Variants in LMBRD1 observed in about 807,000 individuals in gnomAD.
The protein encoded by LMBRD1 is lysosomal cobalamin transport escort protein LMBD1.
A neutral mutation model predicts 74.8 loss-of-function variants in LMBRD1; 64 were observed. The ratio of observed to expected loss-of-function variants is 0.86; its 90% CI spans 0.70 to 1.05. The LOEUF is 1.05. Among genes scored for constraint, LMBRD1 ranks in the 50% least tolerant of loss-of-function variants. LMBRD1 has a pLI of 0.00. For missense variants in LMBRD1, 652 were observed against 645.9 expected, an observed-to-expected ratio of 1.01 and a Z score of -0.10; for synonymous variants, 204 against 216.3, an observed-to-expected ratio of 0.94 and a Z score of 0.50.
At chr6:69,783,359 A>C (rs944132697) in intron 2 of LMBRD1, among the ~76,000 whole-genome samples, 1 of 152,140 alleles carries the variant, frequency 6.6e-6, no homozygotes, top group African/African-American at 2.4e-5. Context: ...ACAGAAATTT[A>C]AAAGTATTTT....
At chr6:69,686,197 T>C (rs997951913) in intron 14 of LMBRD1, among the ~76,000 whole-genome samples, 2 of 152,214 alleles carry the variant, frequency 1.3e-5, no homozygotes, top group African/African-American at 4.8e-5. Context: ...ATAAATACAT[T>C]ACCAAAATAA....
At chr6:69,716,385 T>G (rs1325661273) in intron 8 of LMBRD1, among the ~76,000 whole-genome samples, 5 of 152,196 alleles carry the variant, frequency 3.3e-5, no homozygotes, top group Admixed American at 2.6e-4. Context: ...TTGAGCTTTT[T>G]TCATATGATT....
intron 7 of LMBRD1, among the ~76,000 whole-genome samples, chr6:69,720,990 C>T (rs1466151353): frequency 6.6e-6 from 1 of 152,272 alleles, no homozygotes. Context: ...GTCCTATCAC[C>T]GTTGACAATA....
chr6:69,738,611 C>T (rs1039784421), intron 6 of LMBRD1, among the ~76,000 whole-genome samples: 1 of 151,784 alleles, frequency 6.6e-6, no homozygotes. Flanking sequence ...CACACACACA[C>T]ACACACACAC....
At chr6:69,737,653 G>C (rs9364055) in intron 7 of LMBRD1, among the ~76,000 whole-genome samples, 1 of 149,522 alleles carries the variant, frequency 6.7e-6, no homozygotes, top group Non-Finnish European at 1.5e-5. Context: ...AGCATATCAG[G>C]TATTATAAAT....
At chr6:69,795,563 T>C (rs1766204690) in intron 1 of LMBRD1, among the ~76,000 whole-genome samples, 1 of 152,238 alleles carries the variant, frequency 6.6e-6, no homozygotes, top group Non-Finnish European at 1.5e-5. Flanking sequence ...ATTACATGCT[T>C]ATTTATTTTT....
intron 1 of LMBRD1, among the ~76,000 whole-genome samples, chr6:69,794,469 G>T (rs1486537866): frequency 1.3e-5 from 2 of 152,206 alleles, no homozygotes; most frequent in East Asian, 3.8e-4. Context: ...AGAGTTAAAA[G>T]CTAAACCAAC....
chr6:69,785,418 A>T (rs970683867), intron 2 of LMBRD1, among the ~76,000 whole-genome samples: 2 of 152,020 alleles, frequency 1.3e-5, no homozygotes, highest in Admixed American at 6.5e-5. Flanking sequence ...TCCCTACTTA[A>T]CACCTCCACC....
chr6:69,695,134 A>G (rs989852329), intron 14 of LMBRD1, among the ~76,000 whole-genome samples: 3 of 152,056 alleles, frequency 2.0e-5, no homozygotes, highest in African/African-American at 7.2e-5. Flanking sequence ...TATTAATACC[A>G]TATTGCGCAG....
At chr6:69,681,199 A>G (rs1236560071) in intron 14 of LMBRD1, among the ~76,000 whole-genome samples, 1 of 152,062 alleles carries the variant, frequency 6.6e-6, no homozygotes, top group Non-Finnish European at 1.5e-5. Context: ...GTGGCCATAC[A>G]AAAAAGAATT....
At chr6:69,705,513 G>T (rs575082788) in intron 9 of LMBRD1, 18 of 1,253,754 alleles carry the variant, frequency 1.4e-5, no homozygotes, top group Non-Finnish European at 2.1e-5. Context: ...GTTTGATCTT[G>T]GTATTGATGA....
At position 69,780,429 on chromosome 6, in the gene LMBRD1, C is replaced by T. The variant is rs544253462; in HGVS notation, c.307+65G>A. The T allele has an allele frequency of 5.5e-4, 652 of 1,177,268 alleles. 4 individuals carry two copies. The Middle Eastern group carries it at 7.8e-3, about 14-fold the overall frequency. 72.9% of individuals were successfully genotyped at this position (1,177,268 alleles called of 1,614,324 possible). On this transcript the variant is annotated intron_variant, in intron 3 of 15. Coordinates refer to ENST00000649934, the MANE Select transcript of LMBRD1 (RefSeq NM_018368.4). ...GAGGAAGAACCTGGGGTTCTCCACT[C>T]ATCGGAGTCGTATCAGTATTTTGGT...
At chr6:69,720,239 C>G (rs1766584385) in intron 7 of LMBRD1, among the ~76,000 whole-genome samples, 2 of 152,038 alleles carry the variant, frequency 1.3e-5, no homozygotes, top group Admixed American at 1.3e-4. Context: ...TCAACTAGTT[C>G]TATCATGTAA....
intron 9 of LMBRD1, among the ~76,000 whole-genome samples, chr6:69,702,883 T>C (rs1366858263): frequency 6.6e-6 from 1 of 152,030 alleles, no homozygotes; most frequent in African/African-American, 2.4e-5. Context: ...TTCACAGGAC[T>C]GTGGAAGTAA....
intron 4 of LMBRD1, among the ~76,000 whole-genome samples, chr6:69,751,620 G>T (rs1461617554): frequency 1.3e-5 from 2 of 152,008 alleles, no homozygotes; most frequent in African/African-American, 4.8e-5. Flanking sequence ...GAGCCACAGC[G>T]CCTGGCCAAA....
intron 6 of LMBRD1, among the ~76,000 whole-genome samples, chr6:69,738,328 G>A (rs1018165096): frequency 6.6e-6 from 1 of 152,004 alleles, no homozygotes; most frequent in Admixed American, 6.5e-5. Context: ...TGCTCAAAAG[G>A]TGATTAAAAA....
intron 7 of LMBRD1, among the ~76,000 whole-genome samples, chr6:69,724,018 T>C (rs1189754087): frequency 6.6e-6 from 1 of 151,986 alleles, no homozygotes; most frequent in Non-Finnish European, 1.5e-5. Flanking sequence ...GTGGCTACTA[T>C]GAACAACTAA....
At chr6:69,745,730 T>C (rs1767211225) in intron 5 of LMBRD1, 1 of 152,378 alleles carries the variant, frequency 6.6e-6, no homozygotes, top group Admixed American at 6.5e-5. Context: ...AAACACTCCA[T>C]GCTAACCTCA....
intron 9 of LMBRD1, chr6:69,706,263 CT>C: frequency 3.9e-6 from 1 of 259,272 alleles, no homozygotes; most frequent in African/African-American, 2.2e-5. Context: ...AGGGACTGAT[CT>C]CTATTTTAAA....
Sources: gnomAD v4.1 joint callset for allele counts (sites outside exome capture counted in the v4.1 genomes callset) on GRCh38, gnomAD v4.1.1 for gene constraint, MANE v1.5 for transcripts, NCBI Gene and HGNC (gene_info 2026-07-23, HGNC 2026-07-21) for gene names.